Variants in CLEC2A observed in about 807,000 individuals in gnomAD.
The protein encoded by CLEC2A is C-type lectin domain family 2 member A.
Under a neutral mutation model 18.6 loss-of-function variants are expected in CLEC2A, and 19 were observed. The observed-to-expected ratio is 1.02, with a 90% confidence interval of 0.71 to 1.50. The LOEUF is 1.50. CLEC2A is among the 40% of genes most tolerant of loss of function. The pLI is 0.00. For synonymous variants in CLEC2A, 74 were observed against 64.0 expected (o/e 1.16, Z -0.75); for missense variants, 190 against 207.9 (o/e 0.91, Z 0.53).
chr12:9,893,009 T>C, the CLEC2A span: 15 of 1,529,026 alleles, frequency 9.8e-6, no homozygotes, highest in Non-Finnish European at 1.3e-5. Flanking sequence ...TTCCCCTATG[T>C]TTTCCTTTAG....
the CLEC2A span, among the ~76,000 whole-genome samples, chr12:9,881,043 A>T: frequency 6.6e-6 from 1 of 152,228 alleles, no homozygotes; most frequent in African/African-American, 2.4e-5. Flanking sequence ...TTTGCAAGTG[A>T]TTCCGATTTT....
downstream of CLEC2A, among the ~76,000 whole-genome samples, chr12:9,897,107 G>A (rs1403412242): frequency 2.0e-5 from 3 of 151,946 alleles, no homozygotes; most frequent in Non-Finnish European, 4.4e-5. Flanking sequence ...TGATCCACCC[G>A]CCTCAGCCTC....
intron 4 of CLEC2A, among the ~76,000 whole-genome samples, chr12:9,915,053 A>G (rs1435566886): frequency 2.0e-5 from 3 of 152,180 alleles, no homozygotes; most frequent in Non-Finnish European, 2.9e-5. Context: ...ATGAACAGAC[A>G]ACTCTCAAAA....
the CLEC2A span, among the ~76,000 whole-genome samples, chr12:9,880,609 C>T: frequency 6.6e-6 from 1 of 151,954 alleles, no homozygotes; most frequent in African/African-American, 2.4e-5. Flanking sequence ...AGTCAAAATT[C>T]TGCAAATGAG....
chr12:9,889,658 G>T, the CLEC2A span, among the ~76,000 whole-genome samples: 2 of 141,496 alleles, frequency 1.4e-5, no homozygotes, highest in African/African-American at 5.8e-5. Flanking sequence ...GTGTGTGTGT[G>T]TGTATATATA....
chr12:9,884,252 C>T, the CLEC2A span, among the ~76,000 whole-genome samples: 1 of 151,888 alleles, frequency 6.6e-6, no homozygotes, highest in Non-Finnish European at 1.5e-5. Flanking sequence ...CTATTCTTGC[C>T]AACTCTAATG....
At chr12:9,884,927 A>C in the CLEC2A span, 1 of 1,018,408 alleles carries the variant, frequency 9.8e-7, no homozygotes, top group South Asian at 2.4e-5. Flanking sequence ...AAAATTCAAC[A>C]TTTCAGATTT....
intron 4 of CLEC2A, among the ~76,000 whole-genome samples, chr12:9,906,540 C>T (rs969928961): frequency 2.0e-5 from 3 of 152,124 alleles, no homozygotes; most frequent in South Asian, 2.1e-4. Context: ...CAAATCTTCC[C>T]GAAGGTATGA....
chr12:9,884,717 A>G, the CLEC2A span, among the ~76,000 whole-genome samples: 1 of 151,014 alleles, frequency 6.6e-6, no homozygotes, highest in Non-Finnish European at 1.5e-5. Context: ...ACACCACCAA[A>G]TAATTAACAA....
the CLEC2A span, among the ~76,000 whole-genome samples, chr12:9,878,806 A>G: frequency 6.6e-6 from 1 of 152,144 alleles, no homozygotes; most frequent in Non-Finnish European, 1.5e-5. Flanking sequence ...CTAGGCAGTC[A>G]TTGACCACCT....
intron 4 of CLEC2A, among the ~76,000 whole-genome samples, chr12:9,915,805 A>C (rs1441283346): frequency 6.6e-6 from 1 of 152,192 alleles, no homozygotes; most frequent in African/African-American, 2.4e-5. Flanking sequence ...CCACCATGGC[A>C]CACACATACC....
chr12:9,928,829 A>G (rs1181213575), intron 1 of CLEC2A, among the ~76,000 whole-genome samples: 1 of 152,236 alleles, frequency 6.6e-6, no homozygotes, highest in African/African-American at 2.4e-5. Flanking sequence ...GTTAAAATGA[A>G]AAAGACTGAC....
intron 1 of CLEC2A, among the ~76,000 whole-genome samples, 188 bp downstream of exon 1, chr12:9,932,087 T>C (rs546953280): frequency 1.2e-4 from 19 of 152,334 alleles, no homozygotes; most frequent in African/African-American, 4.1e-4. Context: ...CACAAGCTTA[T>C]ACCCTCTCTT....
chr12:9,902,698 T>C (rs548225689), intron 4 of CLEC2A, among the ~76,000 whole-genome samples: 4 of 150,822 alleles, frequency 2.7e-5, no homozygotes, highest in Admixed American at 2.0e-4. Flanking sequence ...AGAACCAGCA[T>C]TGAGACAAAG....
chr12:9,914,159 ACATACTGCAATAGAAACCTAAGAGACTG>A (rs1565530778), intron 4 of CLEC2A, among the ~76,000 whole-genome samples: 3 of 152,230 alleles, frequency 2.0e-5, no homozygotes, highest in Non-Finnish European at 2.9e-5. Context: ...TACTTTTGAA[ACATACTGCAATAGAAACCTAAGAGACTG>A]CATACTGCAA....
At chr12:9,884,520 A>G in the CLEC2A span, among the ~76,000 whole-genome samples, 3 of 150,466 alleles carry the variant, frequency 2.0e-5, no homozygotes, top group Admixed American at 2.0e-4. Flanking sequence ...TGTGCCTGAC[A>G]TAGATATATA....
exon 5 of CLEC2A, chr12:9,898,848 C>G: frequency 1.4e-6 from 1 of 699,640 alleles, no homozygotes; most frequent in East Asian, 2.7e-5. Context: ...TTAACTGCTT[C>G]CTGCTGACAG....
At chr12:9,922,020 A>G in intron 3 of CLEC2A, 46 bp downstream of exon 3, 5 of 1,422,998 alleles carry the variant, frequency 3.5e-6, no homozygotes, top group Non-Finnish European at 3.8e-6. Flanking sequence ...TTATGTTTTT[A>G]TACAAACAAT....
At chr12:9,908,433 C>T (rs1477012625), downstream of CLEC2A, among the ~76,000 whole-genome samples, 2 of 152,194 alleles carry the variant, frequency 1.3e-5, no homozygotes, top group Non-Finnish European at 2.9e-5. Context: ...AAGATTTTAG[C>T]TTTAAATCCT....
Sources: allele counts gnomAD v4.1 joint callset (sites outside exome capture counted in the v4.1 genomes callset), GRCh38; gene constraint gnomAD v4.1.1; transcripts MANE v1.5; gene names NCBI Gene and HGNC (gene_info 2026-07-23, HGNC 2026-07-21).